The following TMEM123 variants were observed in gnomAD, a reference collection of about 807,000 sequenced individuals.
TMEM123 encodes the protein transmembrane protein 123.
TMEM123 carries 16 observed loss-of-function variants against 19.7 expected under a neutral mutation model. The ratio of observed to expected loss-of-function variants is 0.81; its 90% confidence interval spans 0.55 to 1.23. TMEM123 has a LOEUF of 1.23. TMEM123 is among the 50% of genes most tolerant of loss of function. TMEM123 has a pLI of 0.00. For missense variants in TMEM123, 313 were observed against 257.8 expected (o/e 1.21, Z -1.47); for synonymous variants, 118 against 99.4 (o/e 1.19, Z -1.12).
chr11:102,400,307 T>G (rs1198128072), intron 4 of TMEM123, among the ~76,000 whole-genome samples: 1 of 152,188 alleles, frequency 6.6e-6, no homozygotes, highest in Admixed American at 6.5e-5. Flanking sequence ...CAACAAGTAT[T>G]TTGGTTAAAA....
chr11:102,398,641 A>G lies in TMEM123; in HGVS notation c.*226T>C, dbSNP rs1242361115. 2.1e-5 allele frequency: 11 copies of G among 515,102 alleles called. No individual in the cohort carries two copies. In the East Asian group the frequency reaches 3.4e-4, roughly 16 times the overall value. The allele number at this position is 515,102 out of a possible 1,614,324, so 31.9% of individuals were successfully genotyped here. ...TTGTTTGTCTTACTATGAACTTGCT[A>G]AAACCATTGTATGAACGGTCTATAA... On this transcript the variant is annotated 3_prime_UTR_variant, in exon 5 of 5. Transcript: ENST00000398136.
chr11:102,409,494 T>C (rs1475243670), intron 2 of TMEM123, among the ~76,000 whole-genome samples: 1 of 152,040 alleles, frequency 6.6e-6, no homozygotes, highest in Non-Finnish European at 1.5e-5. Flanking sequence ...ATTCTAAACA[T>C]TCTTCTGAAT....
In TMEM123 at chr11:102,398,799, A is replaced by G; in HGVS notation, c.*68T>C. On this transcript the variant is annotated 3_prime_UTR_variant, in exon 5 of 5. Transcript: ENST00000398136. ...CAAAAAGAGAATATTGTTTTAAACT[A>G]TTAATAAACCAAAATTAATTGATAG... 1 of 1,524,596 alleles carries G rather than the reference A, an allele frequency of 6.6e-7. No individual in the cohort carries two copies. The highest frequency in any genetic ancestry group is 9.0e-7 in the Non-Finnish European group (1 of 1,108,216). 94.4% of individuals were successfully genotyped at this position (1,524,596 alleles called of 1,614,324 possible).
Position 102,424,789 on chromosome 11 carries a change from T to C in TMEM123, c.158-22583A>G, listed in dbSNP as rs551095239. Among the ~76,000 whole-genome samples the C allele has an allele frequency of 2.0e-5, 3 of 152,234 alleles. No homozygotes were observed. In the South Asian group the frequency reaches 6.2e-4, roughly 32 times the overall value. On this transcript the variant is annotated intron_variant, in intron 2 of 4. Transcript: ENST00000398136. ...TTTGATTTATATAGATAAGACTATT[T>C]ACCTGGCACAGAAAAGGGAGCGGGT...
chr11:102,430,289 C>G (rs1168720066), intron 2 of TMEM123, among the ~76,000 whole-genome samples: 1 of 152,216 alleles, frequency 6.6e-6, no homozygotes, highest in East Asian at 1.9e-4. Flanking sequence ...CCATAGCATT[C>G]GCATATCCTT....
chr11:102,409,637 C>T (rs753117198), intron 2 of TMEM123, among the ~76,000 whole-genome samples: 8 of 152,052 alleles, frequency 5.3e-5, no homozygotes, highest in East Asian at 1.9e-4. Flanking sequence ...GAGGCCCAGG[C>T]GGGCAGGCGG....
At chr11:102,426,266 C>T (rs146469674) in intron 2 of TMEM123, among the ~76,000 whole-genome samples, 18 of 152,238 alleles carry the variant, frequency 1.2e-4, no homozygotes, top group Non-Finnish European at 1.6e-4. Context: ...GTGTTTAGAT[C>T]GTTCTTAACA....
intron 2 of TMEM123, among the ~76,000 whole-genome samples, chr11:102,414,396 G>C (rs1011465904): frequency 6.6e-6 from 1 of 152,132 alleles, no homozygotes; most frequent in Admixed American, 6.5e-5. Flanking sequence ...AAGACATATA[G>C]TCATCAGATT....
intron 2 of TMEM123, among the ~76,000 whole-genome samples, chr11:102,410,570 T>C (rs1044410234): frequency 1.1e-4 from 16 of 151,768 alleles, no homozygotes; most frequent in African/African-American, 3.9e-4. Context: ...ACTGATATTT[T>C]CCCTCTGTTC....
At chr11:102,436,162 T>C (rs1358937017) in intron 2 of TMEM123, among the ~76,000 whole-genome samples, 1 of 151,846 alleles carries the variant, frequency 6.6e-6, no homozygotes, top group East Asian at 1.9e-4. Context: ...AACTCCTTAT[T>C]TTTTATTTAT....
At chr11:102,432,789 T>C (rs905356546) in intron 2 of TMEM123, among the ~76,000 whole-genome samples, 2 of 152,212 alleles carry the variant, frequency 1.3e-5, no homozygotes, top group African/African-American at 4.8e-5. Context: ...CCCCCTGCTC[T>C]ATGCAGCCTG....
At chr11:102,413,417 C>A (rs564364895) in intron 2 of TMEM123, among the ~76,000 whole-genome samples, 2 of 152,340 alleles carry the variant, frequency 1.3e-5, no homozygotes, top group African/African-American at 4.8e-5. Context: ...CCCATCACCA[C>A]TGGCACATAC....
Position 102,428,589 on chromosome 11 carries a change from A to T in TMEM123, c.157+20223T>A, listed in dbSNP as rs555788225. On this transcript the variant is annotated intron_variant, in intron 2 of 4. Transcript: ENST00000398136. ...CGCAAAGTGCTGGGATTACAGGTGT[A>T]AGCCAGTGTGCCCGGCCCCCCCAAA... Among the ~76,000 whole-genome samples the T allele has an allele frequency of 4.6e-5, 7 of 151,952 alleles. No homozygotes were observed. In the East Asian group the frequency reaches 1.4e-3, roughly 29 times the overall value.
chr11:102,446,818 T>C (rs191505734), intron 2 of TMEM123, among the ~76,000 whole-genome samples: 2 of 152,294 alleles, frequency 1.3e-5, no homozygotes, highest in Non-Finnish European at 1.5e-5. Context: ...TTTCCAACAG[T>C]ACATTCCTGG....
At chr11:102,424,350 A>G (rs1418753709) in intron 2 of TMEM123, among the ~76,000 whole-genome samples, 1 of 152,220 alleles carries the variant, frequency 6.6e-6, no homozygotes, top group East Asian at 1.9e-4. Flanking sequence ...AGTATTCCAT[A>G]TACTTTATAG....
At chr11:102,444,467 C>T (rs1388611458) in intron 2 of TMEM123, among the ~76,000 whole-genome samples, 1 of 150,568 alleles carries the variant, frequency 6.6e-6, no homozygotes, top group Non-Finnish European at 1.5e-5. Context: ...ACCGTATGTT[C>T]TCACTCATAG....
At chr11:102,435,641 G>C (rs191887478) in intron 2 of TMEM123, among the ~76,000 whole-genome samples, 2 of 151,978 alleles carry the variant, frequency 1.3e-5, no homozygotes, top group African/African-American at 2.4e-5. Context: ...ATTCATAGAA[G>C]CACTATTCAT....
At position 102,452,582 on chromosome 11, in the gene TMEM123, C is replaced by T. The variant is rs754925856; in HGVS notation, c.42G>A (p.Leu14=). 30 of 1,572,566 alleles carry T rather than the reference C, an allele frequency of 1.9e-5. No individual in the cohort carries two copies. In the South Asian group the frequency reaches 3.4e-4, roughly 18 times the overall value. Residue 14 remains leucine (L), a synonymous_variant, in exon 1 of 5, where the codon CTG becomes CTA. Coordinates refer to ENST00000398136, the MANE Select transcript of TMEM123 (RefSeq NM_052932.3). The part of the protein sequence containing the change: ...GARGAWAALL[L]GTLQVLALLG... ...GCAGCGCTAGCACCTGCAGCGTCCC[C>T]AGGAGCAGCGCGGCCCAAGCACCTC... is the stretch of plus-strand genomic sequence containing the variant.
chr11:102,432,019 T>C (rs544244720), intron 2 of TMEM123, among the ~76,000 whole-genome samples: 1 of 152,304 alleles, frequency 6.6e-6, no homozygotes, highest in Admixed American at 6.5e-5. Flanking sequence ...TTAAACCTCT[T>C]TTCTTTATAA....
Sources: allele counts gnomAD v4.1 joint callset (sites outside exome capture counted in the v4.1 genomes callset), GRCh38; gene constraint gnomAD v4.1.1; transcripts MANE v1.5; gene names NCBI Gene and HGNC (gene_info 2026-07-23, HGNC 2026-07-21).